Variants in SCFD2 observed in about 807,000 individuals in gnomAD.
SCFD2 encodes sec1 family domain containing 2, also known as sec1 family domain-containing protein 2.
In SCFD2, 54 loss-of-function variants were observed where a neutral mutation model predicts 58.9. The observed-to-expected ratio is 0.92, with a 90% CI of 0.74 to 1.15. The LOEUF is 1.15. SCFD2 is among the 50% of genes most tolerant of loss of function. The pLI is 0.00. For missense variants in SCFD2, 805 were observed against 836.6 expected, an observed-to-expected ratio of 0.96 and a Z score of 0.47; for synonymous variants, 321 against 335.9, an observed-to-expected ratio of 0.96 and a Z score of 0.49.
At chr4:53,144,348 A>T (rs1445358065) in intron 5 of SCFD2, among the ~76,000 whole-genome samples, 1 of 150,732 alleles carries the variant, frequency 6.6e-6, no homozygotes, top group African/African-American at 2.4e-5. Flanking sequence ...GTGTATATGT[A>T]AGTATATATG....
At chr4:52,995,513 G>A (rs1465924676) in intron 5 of SCFD2, among the ~76,000 whole-genome samples, 3 of 152,214 alleles carry the variant, frequency 2.0e-5, no homozygotes, top group Non-Finnish European at 4.4e-5. Context: ...AGTTTCTTAA[G>A]AGCAAGAACT....
In SCFD2 at chr4:53,225,669, T is replaced by G. The variant is rs114877425; in HGVS notation, c.1311+48157A>C. ...ACATAAATTTTTGTATTCTAAAGAC[T>G]TAATGAATTTGCTATTATGATTATC... On this transcript the variant is annotated intron_variant, in intron 4 of 8. Coordinates refer to ENST00000401642, the MANE Select transcript of SCFD2 (RefSeq NM_152540.4). 3.5e-3 allele frequency among the ~76,000 whole-genome samples: 534 copies of G among 152,366 alleles called. 5 individuals carry two copies. The highest frequency in any genetic ancestry group is 0.013 in the African/African-American group (521 of 41,592).
At chr4:53,130,994 C>T (rs1236616534) in intron 5 of SCFD2, among the ~76,000 whole-genome samples, 1 of 152,132 alleles carries the variant, frequency 6.6e-6, no homozygotes, top group Non-Finnish European at 1.5e-5. Flanking sequence ...ATATAAAAGG[C>T]AAACACCAAC....
chr4:53,266,809 A>G (rs528892060), intron 4 of SCFD2, among the ~76,000 whole-genome samples: 2 of 152,366 alleles, frequency 1.3e-5, no homozygotes, highest in South Asian at 2.1e-4. Context: ...AGAGAGAGAA[A>G]AAAGGAGTCA....
chr4:53,067,082 AATG>A (rs1723684022), intron 5 of SCFD2, among the ~76,000 whole-genome samples: 1 of 152,056 alleles, frequency 6.6e-6, no homozygotes, highest in Non-Finnish European at 1.5e-5. Context: ...TTGGTTAGGT[AATG>A]ATAACTAGCA....
Position 53,352,700 on chromosome 4 carries a change from C to T in SCFD2, c.905G>A (p.Gly302Asp). 6.2e-7 allele frequency: 1 copy of T among 1,614,042 alleles called. No homozygotes were observed. Among genetic ancestry groups the T allele is most frequent in the Non-Finnish European group, 8.5e-7 (1 of 1,179,958 alleles). Residue 302 changes from glycine to aspartate, a missense_variant, in exon 2 of 9, where the codon GGC becomes GAC. Physicochemically the swap from Gly to Asp is moderately conservative, Grantham distance 94. This residue lies in a region of SCFD2 where 633 missense variants were observed against 646.8 expected (regional missense o/e 0.98). Coordinates refer to ENST00000401642, the MANE Select transcript of SCFD2 (RefSeq NM_152540.4). ...GTTAACCATCACATCATTTGTGTGG[C>T]CTGGGAGCTGGGGAAGTGCTGAAAT... ...KIISALPQLP[G>D]HTNDVMVNMI...
chr4:53,298,185 C>A (rs1732116526), intron 3 of SCFD2, among the ~76,000 whole-genome samples: 1 of 152,124 alleles, frequency 6.6e-6, no homozygotes, highest in African/African-American at 2.4e-5. Context: ...TCAGGGAATT[C>A]CCTTTCCTAG....
intron 5 of SCFD2, among the ~76,000 whole-genome samples, chr4:53,039,043 A>G (rs1281107371): frequency 6.6e-6 from 1 of 152,130 alleles, no homozygotes; most frequent in Non-Finnish European, 1.5e-5. Flanking sequence ...TTGAATTCTG[A>G]GCTTTCCATC....
intron 5 of SCFD2, among the ~76,000 whole-genome samples, chr4:53,102,019 T>C (rs1724844174): frequency 6.6e-6 from 1 of 152,048 alleles, no homozygotes; most frequent in South Asian, 2.1e-4. Context: ...TACCACAAAA[T>C]CTGTATAAGT....
chr4:52,963,971 T>G (rs1409352520), intron 5 of SCFD2, among the ~76,000 whole-genome samples: 1 of 152,240 alleles, frequency 6.6e-6, no homozygotes, highest in Non-Finnish European at 1.5e-5. Flanking sequence ...AATGAAGGAC[T>G]AGTCATACAT....
At chr4:53,183,081 G>A (rs1351131255) in intron 4 of SCFD2, among the ~76,000 whole-genome samples, 5 of 152,198 alleles carry the variant, frequency 3.3e-5, no homozygotes, top group Non-Finnish European at 7.3e-5. Context: ...AGCCATTGTG[G>A]AAGTCAGTGT....
intron 4 of SCFD2, among the ~76,000 whole-genome samples, chr4:53,186,924 C>T (rs758183248): frequency 1.3e-4 from 19 of 151,964 alleles, no homozygotes; most frequent in African/African-American, 2.2e-4. Flanking sequence ...CTATCAGGCT[C>T]TCAACACAAC....
chr4:53,333,993 T>C (rs867951713), intron 2 of SCFD2, among the ~76,000 whole-genome samples: 5 of 150,314 alleles, frequency 3.3e-5, no homozygotes, highest in Non-Finnish European at 7.4e-5. Context: ...AAAAAACACA[T>C]GAAAAAATGC....
intron 5 of SCFD2, among the ~76,000 whole-genome samples, chr4:52,933,368 C>T (rs2109501411): frequency 6.6e-6 from 1 of 152,310 alleles, no homozygotes; most frequent in South Asian, 2.1e-4. Context: ...GCAGAGATAA[C>T]TAAGATGAAT....
At chr4:52,884,972 G>A (rs1433994850) in intron 8 of SCFD2, among the ~76,000 whole-genome samples, 2 of 152,206 alleles carry the variant, frequency 1.3e-5, no homozygotes, top group African/African-American at 4.8e-5. Flanking sequence ...CCTAAATGAG[G>A]AAACTGAGGG....
At chr4:53,128,169 C>T (rs144422188) in intron 5 of SCFD2, among the ~76,000 whole-genome samples, 3 of 150,526 alleles carry the variant, frequency 2.0e-5, no homozygotes, top group East Asian at 1.9e-4. Flanking sequence ...CAAGAAAAAA[C>T]GTAAAGATAA....
intron 3 of SCFD2, among the ~76,000 whole-genome samples, chr4:53,278,158 A>G (rs1449741946): frequency 6.6e-6 from 1 of 152,046 alleles, no homozygotes; most frequent in Non-Finnish European, 1.5e-5. Context: ...CTCGAGGTCC[A>G]GGGTTGGAGA....
chr4:53,338,575 C>CTTTTTTTTTCTTTTT (rs1733753004), intron 2 of SCFD2, among the ~76,000 whole-genome samples: 1 of 72,294 alleles, frequency 1.4e-5, no homozygotes, highest in Non-Finnish European at 2.5e-5. Flanking sequence ...GTATATTTTT[C>CTTTTTTTTTCTTTTT]TTTTTTTTTT....
chr4:53,254,361 C>A (rs758476882), intron 4 of SCFD2, among the ~76,000 whole-genome samples: 1 of 152,204 alleles, frequency 6.6e-6, no homozygotes, highest in African/African-American at 2.4e-5. Flanking sequence ...CATGCACTCA[C>A]TCCATCCTGC....
Sources: allele counts gnomAD v4.1 joint callset (sites outside exome capture counted in the v4.1 genomes callset), GRCh38; gene constraint gnomAD v4.1.1; regional missense constraint gnomAD v4.1.1; transcripts MANE v1.5; gene names NCBI Gene and HGNC (gene_info 2026-07-23, HGNC 2026-07-21).